The following KMT5B variants were observed in gnomAD, a reference collection of about 807,000 sequenced individuals.
KMT5B encodes lysine methyltransferase 5B, also known as histone-lysine N-methyltransferase KMT5B.
KMT5B carries 10 observed loss-of-function variants against 83.2 expected under a neutral mutation model. That is an observed-to-expected ratio of 0.12 (90% CI 0.07 to 0.20). The LOEUF (loss-of-function observed/expected upper bound fraction) is 0.20, where lower values mean the gene tolerates loss of function less well. KMT5B is among the 10% of genes least tolerant of loss of function. The pLI is 1.00. For synonymous variants in KMT5B, 349 were observed against 388.8 expected (o/e 0.90, Z 1.20); for missense variants, 753 against 1,067.2 (o/e 0.71, Z 4.10).
Position 68,158,522 on chromosome 11 carries a change from G to A in KMT5B, c.1824C>T (p.Gly608=), listed in dbSNP as rs1565213448. 6.2e-7 allele frequency: 1 copy of A among 1,614,160 alleles called. No homozygotes were observed. Among genetic ancestry groups the A allele is most frequent in the Non-Finnish European group, 8.5e-7 (1 of 1,180,032 alleles). The change falls in exon 11 of 11, where the codon GGC becomes GGT. Residue 608 remains glycine, a synonymous_variant. Coordinates refer to ENST00000304363, the MANE Select transcript of KMT5B (RefSeq NM_017635.5). ...GEAKCHKSDT[G]MSKKKSRQGK... is the part of the protein sequence containing the mutation. ...CTTGTCGTGACTTCTTTTTGGACAT[G>A]CCTGTGTCACTCTTATGACACTTTG...
chr11:68,206,852 G>T (rs1339930620), intron 1 of KMT5B, among the ~76,000 whole-genome samples: 1 of 151,812 alleles, frequency 6.6e-6, no homozygotes, highest in Non-Finnish European at 1.5e-5. Flanking sequence ...ATGTGCAAAA[G>T]AATAATTATG....
chr11:68,165,471 T>C (rs1432689013), intron 10 of KMT5B, among the ~76,000 whole-genome samples: 1 of 151,198 alleles, frequency 6.6e-6, no homozygotes, highest in Non-Finnish European at 1.5e-5. Flanking sequence ...GCCACTGCAC[T>C]CCAGCCTGGG....
At chr11:68,189,869 C>A in intron 2 of KMT5B, 48 bp downstream of exon 2, 1 of 1,549,422 alleles carries the variant, frequency 6.5e-7, no homozygotes, top group South Asian at 1.2e-5. Context: ...GAAAGAATTA[C>A]TACCCCATAT....
chr11:68,210,212 A>T (rs1277940730), intron 1 of KMT5B, among the ~76,000 whole-genome samples: 1 of 151,790 alleles, frequency 6.6e-6, no homozygotes, highest in Non-Finnish European at 1.5e-5. Flanking sequence ...TGCAACTGGC[A>T]TTGTAGGAGT....
chr11:68,211,722 G>A (rs1366905989), intron 1 of KMT5B, among the ~76,000 whole-genome samples: 1 of 152,188 alleles, frequency 6.6e-6, no homozygotes, highest in Non-Finnish European at 1.5e-5. Context: ...AAGAGTGTAC[G>A]GGGTGGAGAA....
intron 9 of KMT5B, among the ~76,000 whole-genome samples, chr11:68,167,634 T>C (rs879555086): frequency 2.0e-5 from 3 of 152,138 alleles, no homozygotes; most frequent in Non-Finnish European, 4.4e-5. Context: ...TTTAAATTTT[T>C]TTTTGTAGAG....
intron 3 of KMT5B, among the ~76,000 whole-genome samples, chr11:68,180,409 T>C (rs1856810633): frequency 6.6e-6 from 1 of 152,186 alleles, no homozygotes. Flanking sequence ...CACCTTACCA[T>C]GAAGTTAGAA....
chr11:68,201,091 G>A (rs1330235127), intron 1 of KMT5B, among the ~76,000 whole-genome samples: 3 of 152,110 alleles, frequency 2.0e-5, no homozygotes, highest in Non-Finnish European at 2.9e-5. Flanking sequence ...ATTTAAAGGG[G>A]AAAAGATTTC....
At chr11:68,200,041 C>T (rs66506042) in intron 1 of KMT5B, among the ~76,000 whole-genome samples, 18,669 of 152,088 alleles carry the variant, frequency 0.12, 1,309 homozygotes, top group East Asian at 0.23. Flanking sequence ...TTTTGAGATG[C>T]CCACTACAGA....
At chr11:68,204,610 G>A (rs980554674) in intron 1 of KMT5B, among the ~76,000 whole-genome samples, 2 of 127,722 alleles carry the variant, frequency 1.6e-5, no homozygotes, top group Middle Eastern at 3.6e-3. Flanking sequence ...ATAAATTTCC[G>A]GTTTTTTTTT....
intron 2 of KMT5B, among the ~76,000 whole-genome samples, chr11:68,187,763 G>C (rs1857578660): frequency 6.6e-6 from 1 of 152,170 alleles, no homozygotes; most frequent in Non-Finnish European, 1.5e-5. Flanking sequence ...CTGAATTGTT[G>C]ATTTTTCCCT....
intron 10 of KMT5B, 165 bp downstream of exon 10, chr11:68,166,817 G>A: frequency 2.8e-6 from 4 of 1,443,002 alleles, no homozygotes; most frequent in Non-Finnish European, 2.7e-6. Context: ...GATACAGACT[G>A]TGCCTCTACT....
intron 6 of KMT5B, among the ~76,000 whole-genome samples, chr11:68,173,567 C>T (rs1037870488): frequency 2.6e-5 from 4 of 152,074 alleles, no homozygotes; most frequent in Non-Finnish European, 5.9e-5. Flanking sequence ...GAACAGGCAT[C>T]CAGAGTCAAT....
Position 68,189,979 on chromosome 11 carries a change from T to C in KMT5B, c.98A>G (p.Gln33Arg). 2 of 1,614,200 alleles carry C rather than the reference T, an allele frequency of 1.2e-6. No homozygotes were observed. Among genetic ancestry groups the C allele is most frequent in the South Asian group, 2.2e-5 (2 of 91,088 alleles). Residue 33 changes from glutamine (Q) to arginine (R), a missense_variant, in exon 2 of 11, where the codon CAG (glutamine) becomes CGG (arginine). Gln to Arg is a conservative substitution (Grantham distance 43). This residue lies in a region of KMT5B where 56 missense variants were observed against 91.4 expected (regional missense o/e 0.61). Coordinates refer to ENST00000304363, the MANE Select transcript of KMT5B (RefSeq NM_017635.5). ...NDHQQNQSKL[Q>R]HTGKDTLKAG... Reference sequence around the variant, plus strand: ...CTTCAGGGTGTCCTTCCCCGTGTGCTGTAATTTTGATTGATTCTGCTGATG... The same window carrying C: ...CTTCAGGGTGTCCTTCCCCGTGTGCCGTAATTTTGATTGATTCTGCTGATG...
intron 1 of KMT5B, among the ~76,000 whole-genome samples, chr11:68,193,145 G>A (rs1858288702): frequency 6.6e-6 from 1 of 152,190 alleles, no homozygotes; most frequent in South Asian, 2.1e-4. Context: ...CAGAGCCAAA[G>A]ATGCCTTAAG....
chr11:68,209,507 C>A (rs1860598255), intron 1 of KMT5B, among the ~76,000 whole-genome samples: 1 of 152,122 alleles, frequency 6.6e-6, no homozygotes, highest in South Asian at 2.1e-4. Flanking sequence ...AGAAGCAAGC[C>A]GAGTGCCATT....
chr11:68,174,057 A>G (rs1213034883), intron 5 of KMT5B, 144 bp from the exon 6 acceptor site: 1 of 689,406 alleles, frequency 1.5e-6, no homozygotes, highest in East Asian at 2.8e-5. Flanking sequence ...TGTCTCTACG[A>G]AAAACATTAG....
chr11:68,212,292 C>T (rs1861011976), intron 1 of KMT5B, among the ~76,000 whole-genome samples: 1 of 151,660 alleles, frequency 6.6e-6, no homozygotes, highest in Admixed American at 6.6e-5. Context: ...AATTAATTCA[C>T]CTGCCCTCTA....
At position 68,173,338 on chromosome 11, in the gene KMT5B, A is replaced by C. The variant is rs987370947; in HGVS notation, c.653+466T>G. On this transcript the variant is annotated intron_variant, in intron 6 of 10. Coordinates refer to ENST00000304363, the MANE Select transcript of KMT5B (RefSeq NM_017635.5). The stretch of plus-strand genomic sequence containing the variant: ...TTATAGGCGTGAGCCAATGCCCCCC[A>C]CCAACTCTACTATTTTTATTGAAGC... Among the ~76,000 whole-genome samples, 6 of 152,114 alleles carry C rather than the reference A, an allele frequency of 3.9e-5. No individual in the cohort carries two copies. The East Asian group carries it at 9.6e-4, about 24-fold the overall frequency.
Sources: gnomAD v4.1 joint callset for allele counts (sites outside exome capture counted in the v4.1 genomes callset) on GRCh38, gnomAD v4.1.1 for gene constraint, gnomAD v4.1.1 regional missense constraint, MANE v1.5 for transcripts, NCBI Gene and HGNC (gene_info 2026-07-23, HGNC 2026-07-21) for gene names.